Variants in CDH20 observed in about 807,000 individuals in gnomAD.
CDH20 encodes the protein cadherin-20.
A neutral mutation model predicts 74.2 loss-of-function variants in CDH20; 29 were observed. The observed-to-expected ratio is 0.39, with a 90% CI of 0.29 to 0.53. The LOEUF is 0.53. Among genes scored for constraint, CDH20 ranks in the 20% least tolerant of loss-of-function variants. The probability of loss-of-function intolerance (pLI) is 0.69; values close to 1 mark genes in which losing one functional copy is unlikely to be tolerated. For synonymous variants in CDH20, 469 were observed against 405.4 expected (o/e 1.16, Z -1.88); for missense variants, 988 against 1,048.3 (o/e 0.94, Z 0.79).
intron 6 of CDH20, among the ~76,000 whole-genome samples, chr18:61,509,185 A>G (rs1158942990): frequency 6.6e-6 from 1 of 152,164 alleles, no homozygotes; most frequent in East Asian, 1.9e-4. Context: ...GAACTTACTC[A>G]TGTAACCAAA....
intron 1 of CDH20, among the ~76,000 whole-genome samples, chr18:61,440,042 T>G (rs1908974706): frequency 6.6e-6 from 1 of 152,196 alleles, no homozygotes; most frequent in African/African-American, 2.4e-5. Context: ...GTTTCCCCAT[T>G]TTGCCTTCTG....
At chr18:61,526,011 A>G (rs1599146828) in intron 6 of CDH20, among the ~76,000 whole-genome samples, 1 of 109,910 alleles carries the variant, frequency 9.1e-6, no homozygotes, top group Non-Finnish European at 1.7e-5. Flanking sequence ...AGGTCTCATT[A>G]GGTTGTCTTG....
chr18:61,501,068 T>A (rs1415455155), intron 4 of CDH20, among the ~76,000 whole-genome samples: 1 of 152,182 alleles, frequency 6.6e-6, no homozygotes, highest in African/African-American at 2.4e-5. Context: ...CCAAAATGAA[T>A]GGTTGCTGGG....
At position 61,433,175 on chromosome 18, in the gene CDH20, T is replaced by C. The variant is rs540231139; in HGVS notation, c.-152-57227T>C. Among the ~76,000 whole-genome samples, 26 of 152,282 alleles carry C rather than the reference T, an allele frequency of 1.7e-4. 1 individual carries two copies. Among genetic ancestry groups the C allele is most frequent in the South Asian group, 1.5e-3 (7 of 4,826 alleles). ...TTATTATAATAAAATATCACATTATTATATCAAGATTAAACAAGGTAATGT... is the reference window on the plus strand; with the variant it reads ...TTATTATAATAAAATATCACATTATCATATCAAGATTAAACAAGGTAATGT... On this transcript the variant is annotated intron_variant, in intron 1 of 11. Transcript: ENST00000262717.
At chr18:61,424,965 T>C (rs558952487) in intron 1 of CDH20, among the ~76,000 whole-genome samples, 3 of 152,294 alleles carry the variant, frequency 2.0e-5, no homozygotes, top group African/African-American at 7.2e-5. Flanking sequence ...CTAAAATGTC[T>C]CTCATTACTT....
At chr18:61,466,128 G>A (rs1383611501) in intron 1 of CDH20, among the ~76,000 whole-genome samples, 1 of 148,594 alleles carries the variant, frequency 6.7e-6, no homozygotes, top group Non-Finnish European at 1.5e-5. Flanking sequence ...ATAGCTTAAT[G>A]AAGACATATT....
chr18:61,404,609 G>T (rs1009907524), intron 1 of CDH20, among the ~76,000 whole-genome samples: 1 of 151,750 alleles, frequency 6.6e-6, no homozygotes, highest in Admixed American at 6.6e-5. Flanking sequence ...AATAATCCAC[G>T]GGTAAAATAA....
At chr18:61,388,111 A>G (rs1265756195) in intron 1 of CDH20, among the ~76,000 whole-genome samples, 1 of 152,142 alleles carries the variant, frequency 6.6e-6, no homozygotes, top group Non-Finnish European at 1.5e-5. Context: ...TTCACAGGGG[A>G]AGGAGAAGAT....
At chr18:61,386,786 T>C (rs558642445) in intron 1 of CDH20, among the ~76,000 whole-genome samples, 36 of 152,282 alleles carry the variant, frequency 2.4e-4, no homozygotes, top group South Asian at 1.2e-3. Context: ...TCTCAAAACG[T>C]AAATATCAAA....
intron 1 of CDH20, among the ~76,000 whole-genome samples, chr18:61,432,923 G>A (rs1908697926): frequency 6.6e-6 from 1 of 152,018 alleles, no homozygotes; most frequent in Non-Finnish European, 1.5e-5. Flanking sequence ...GTTAATTGAA[G>A]AAAATTAGAA....
intron 1 of CDH20, among the ~76,000 whole-genome samples, chr18:61,402,263 T>C (rs1436787718): frequency 6.6e-6 from 1 of 152,166 alleles, no homozygotes; most frequent in Non-Finnish European, 1.5e-5. Flanking sequence ...GGGGATCCAG[T>C]AGGATTCTCA....
At chr18:61,453,996 A>G (rs1463982768) in intron 1 of CDH20, among the ~76,000 whole-genome samples, 1 of 152,110 alleles carries the variant, frequency 6.6e-6, no homozygotes, top group African/African-American at 2.4e-5. Flanking sequence ...TACGTCAGCC[A>G]TTCTGATTGG....
At chr18:61,376,830 G>A (rs1911250985) in intron 1 of CDH20, among the ~76,000 whole-genome samples, 1 of 152,114 alleles carries the variant, frequency 6.6e-6, no homozygotes, top group South Asian at 2.1e-4. Context: ...CAGGAATCAG[G>A]GAGATAATGG....
intron 1 of CDH20, among the ~76,000 whole-genome samples, chr18:61,348,735 A>C (rs1159241718): frequency 6.6e-6 from 1 of 152,248 alleles, no homozygotes; most frequent in African/African-American, 2.4e-5. Context: ...TGGGGGTAAG[A>C]GAGCACAACT....
intron 2 of CDH20, among the ~76,000 whole-genome samples, chr18:61,497,062 TAA>T (rs1359928079): frequency 1.3e-5 from 2 of 148,490 alleles, no homozygotes; most frequent in Admixed American, 6.8e-5. Context: ...TCTACTTTTT[TAA>T]CTGCATAAAT....
chr18:61,528,481 A>ACACACACACACC lies in CDH20; in HGVS notation c.1271+262_1271+263insACACACACACCC, dbSNP rs755504850. ...CACACACACACACACACACACACAC[A>ACACACACACACC]CCCCTTAGTTCTCAATCATGGTCCT... On this transcript the variant is annotated intron_variant, in intron 7 of 11. Coordinates refer to ENST00000262717, the MANE Select transcript of CDH20 (RefSeq NM_031891.4). Among the ~76,000 whole-genome samples, 945 of 149,256 alleles carry ACACACACACACC rather than the reference A, an allele frequency of 6.3e-3. 5 individuals are homozygous for ACACACACACACC. The highest frequency in any genetic ancestry group is 9.6e-3 in the East Asian group (49 of 5,096).
chr18:61,340,971 T>C (rs1255262261), intron 1 of CDH20, among the ~76,000 whole-genome samples: 1 of 152,224 alleles, frequency 6.6e-6, no homozygotes, highest in African/African-American at 2.4e-5. Flanking sequence ...ATTTAATCTT[T>C]GCATCAAAGG....
At chr18:61,368,900 C>G (rs1220268179) in intron 1 of CDH20, among the ~76,000 whole-genome samples, 10 of 144,154 alleles carry the variant, frequency 6.9e-5, no homozygotes, top group Admixed American at 6.2e-4. Context: ...TTGGGGAGTT[C>G]TATAAATCAT....
chr18:61,404,980 C>T (rs1184726923), intron 1 of CDH20: 3 of 709,872 alleles, frequency 4.2e-6, no homozygotes, highest in East Asian at 5.4e-5. Flanking sequence ...ATATTATTGC[C>T]ACTGTAGTGA....
Sources: allele counts gnomAD v4.1 joint callset (sites outside exome capture counted in the v4.1 genomes callset), GRCh38; gene constraint gnomAD v4.1.1; transcripts MANE v1.5; gene names NCBI Gene and HGNC (gene_info 2026-07-23, HGNC 2026-07-21).